Variants in TRPS1 observed in about 807,000 individuals in gnomAD.
TRPS1 encodes the protein transcriptional repressor GATA binding 1.
Under a neutral mutation model 101.2 loss-of-function variants are expected in TRPS1, and 6 were observed. That is an observed-to-expected ratio of 0.06 (90% CI 0.03 to 0.12). TRPS1 has a LOEUF of 0.12. Ranked by LOEUF, TRPS1 falls within the 10% of genes least tolerant of loss-of-function variation. TRPS1 has a pLI of 1.00. For missense variants in TRPS1, 1,363 were observed against 1,567.0 expected (o/e 0.87, Z 2.20); for synonymous variants, 578 against 589.8 (o/e 0.98, Z 0.29).
chr8:115,633,589 T>C (rs1402615355), intron 1 of TRPS1, among the ~76,000 whole-genome samples: 2 of 152,220 alleles, frequency 1.3e-5, no homozygotes, highest in Non-Finnish European at 2.9e-5. Context: ...AGTTATTTAG[T>C]AGTCCTATTT....
chr8:115,495,696 A>G (rs916621474), intron 5 of TRPS1, among the ~76,000 whole-genome samples: 2 of 152,224 alleles, frequency 1.3e-5, no homozygotes, highest in Admixed American at 6.5e-5. Flanking sequence ...GTTAAAAAAA[A>G]AAATGAAATC....
At chr8:115,540,103 T>A (rs1185324971) in intron 5 of TRPS1, among the ~76,000 whole-genome samples, 1 of 152,250 alleles carries the variant, frequency 6.6e-6, no homozygotes, top group Non-Finnish European at 1.5e-5. Flanking sequence ...GAATTTAGAA[T>A]TCATAATCTG....
chr8:115,536,577 C>T (rs1330575659), intron 5 of TRPS1, among the ~76,000 whole-genome samples: 1 of 149,464 alleles, frequency 6.7e-6, no homozygotes, highest in African/African-American at 2.5e-5. Flanking sequence ...CATTTACATA[C>T]TTTTAAAACA....
At chr8:115,453,816 T>C (rs1045789299) in intron 5 of TRPS1, among the ~76,000 whole-genome samples, 1 of 152,234 alleles carries the variant, frequency 6.6e-6, no homozygotes, top group Non-Finnish European at 1.5e-5. Flanking sequence ...AAATTGCTGT[T>C]GACACAGATA....
intron 1 of TRPS1, among the ~76,000 whole-genome samples, chr8:115,647,692 G>A (rs901241670): frequency 1.3e-5 from 2 of 152,064 alleles, no homozygotes; most frequent in African/African-American, 4.8e-5. Context: ...CAAAGTACAT[G>A]ACTAACTTAA....
intron 5 of TRPS1, among the ~76,000 whole-genome samples, chr8:115,528,558 CAT>C (rs1816056264): frequency 6.6e-6 from 1 of 152,028 alleles, no homozygotes; most frequent in African/African-American, 2.4e-5. Flanking sequence ...GTGTTACATT[CAT>C]ATGACACCTT....
At chr8:115,453,568 TA>T (rs1813936299) in intron 5 of TRPS1, among the ~76,000 whole-genome samples, 1 of 152,216 alleles carries the variant, frequency 6.6e-6, no homozygotes, top group Non-Finnish European at 1.5e-5. Context: ...ATGTCTCAGA[TA>T]AAGATGAAAA....
At chr8:115,621,107 G>C (rs1414502639) in intron 2 of TRPS1, among the ~76,000 whole-genome samples, 1 of 152,182 alleles carries the variant, frequency 6.6e-6, no homozygotes, top group Non-Finnish European at 1.5e-5. Flanking sequence ...GGAGTAGAAT[G>C]AGTCAGAACT....
intron 5 of TRPS1, among the ~76,000 whole-genome samples, chr8:115,582,125 T>C (rs1169692674): frequency 6.6e-6 from 1 of 152,186 alleles, no homozygotes; most frequent in African/African-American, 2.4e-5. Flanking sequence ...ATGTAAAAAG[T>C]CCAAATCGGG....
intron 5 of TRPS1, among the ~76,000 whole-genome samples, chr8:115,453,975 T>C (rs1192287054): frequency 6.6e-6 from 1 of 152,204 alleles, no homozygotes; most frequent in African/African-American, 2.4e-5. Context: ...TCTAGTGGTC[T>C]CCACACTCCT....
intron 5 of TRPS1, among the ~76,000 whole-genome samples, chr8:115,535,647 G>A (rs905872787): frequency 6.0e-5 from 9 of 150,748 alleles, no homozygotes; most frequent in East Asian, 1.9e-4. Context: ...AGATCACGAG[G>A]TCAGGAGATC....
intron 5 of TRPS1, among the ~76,000 whole-genome samples, chr8:115,467,233 T>C (rs990863875): frequency 3.3e-5 from 5 of 152,142 alleles, no homozygotes; most frequent in African/African-American, 4.8e-5. Context: ...TTCTGTCATA[T>C]GAAGTGGCAG....
intron 5 of TRPS1, among the ~76,000 whole-genome samples, chr8:115,560,929 T>C (rs577855699): frequency 6.6e-6 from 1 of 152,244 alleles, no homozygotes; most frequent in East Asian, 1.9e-4. Flanking sequence ...ACTCTGCTTA[T>C]TATGATTTTA....
intron 5 of TRPS1, among the ~76,000 whole-genome samples, chr8:115,507,134 T>C (rs1011696717): frequency 6.6e-6 from 1 of 152,038 alleles, no homozygotes; most frequent in Non-Finnish European, 1.5e-5. Context: ...CCTCAGTAAA[T>C]AGCTCCAAGG....
chr8:115,634,490 T>A (rs1344785014), intron 1 of TRPS1, among the ~76,000 whole-genome samples: 1 of 152,222 alleles, frequency 6.6e-6, no homozygotes, highest in African/African-American at 2.4e-5. Flanking sequence ...ATTAGTCTTT[T>A]GAACTTTTTG....
intron 5 of TRPS1, among the ~76,000 whole-genome samples, chr8:115,521,660 C>T (rs1031657170): frequency 1.7e-4 from 26 of 150,952 alleles, no homozygotes; most frequent in Admixed American, 4.0e-4. Flanking sequence ...CCCAGAATTC[C>T]AAAAAAATAA....
At chr8:115,558,258 A>T (rs561597945) in intron 5 of TRPS1, among the ~76,000 whole-genome samples, 86 of 152,296 alleles carry the variant, frequency 5.6e-4, no homozygotes, top group African/African-American at 1.9e-3. Flanking sequence ...AGTAATAAAG[A>T]TAGTTGTAAT....
intron 4 of TRPS1, among the ~76,000 whole-genome samples, chr8:115,595,865 A>ATTTG (rs147262333): frequency 9.8e-4 from 149 of 151,612 alleles, no homozygotes; most frequent in African/African-American, 3.2e-3. Context: ...GTGAGGTTTT[A>ATTTG]TTTGTTTGTT....
chr8:115,529,432 A>G (rs920209918), intron 5 of TRPS1, among the ~76,000 whole-genome samples: 6 of 152,162 alleles, frequency 3.9e-5, no homozygotes, highest in Non-Finnish European at 7.4e-5. Context: ...TATTGCTTCC[A>G]TGTTTTTATG....
Sources: allele counts gnomAD v4.1 joint callset (sites outside exome capture counted in the v4.1 genomes callset), GRCh38; gene constraint gnomAD v4.1.1; transcripts MANE v1.5; gene names NCBI Gene and HGNC (gene_info 2026-07-23, HGNC 2026-07-21).